DGKZ: variants seen among roughly 807,000 people sequenced by gnomAD.
DGKZ encodes the protein DAG kinase zeta.
DGKZ carries 45 observed loss-of-function variants against 142.5 expected under a neutral mutation model. That is an observed-to-expected ratio of 0.32 (90% CI 0.25 to 0.40). The LOEUF (loss-of-function observed/expected upper bound fraction) is 0.40, where lower values mean the gene tolerates loss of function less well. Among genes scored for constraint, DGKZ ranks in the 10% least tolerant of loss-of-function variants. The probability of loss-of-function intolerance (pLI) is 1.00; values close to 1 mark genes in which losing one functional copy is unlikely to be tolerated. For missense variants in DGKZ, 755 were observed against 1,306.5 expected (o/e 0.58, Z 6.51); for synonymous variants, 442 against 527.0 (o/e 0.84, Z 2.21).
At chr11:46,378,419 C>T (rs752140220) in intron 26 of DGKZ, 38 bp from the exon 27 acceptor site, 1 of 1,568,290 alleles carries the variant, frequency 6.4e-7, no homozygotes, top group South Asian at 1.2e-5. Flanking sequence ...CAAGCCCAGG[C>T]CTCCGACTGC....
At chr11:46,345,083 T>C (rs1342026924), upstream of DGKZ, among the ~76,000 whole-genome samples, 3 of 152,170 alleles carry the variant, frequency 2.0e-5, no homozygotes, top group African/African-American at 7.2e-5. The surrounding 1 kb of genome is among the most constrained non-coding windows in gnomAD (Gnocchi z 4.1). Context: ...ACCTGGTGGT[T>C]GTCATAAAGC....
intron 6 of DGKZ, among the ~76,000 whole-genome samples, chr11:46,370,604 A>G (rs1052007153): frequency 1.3e-5 from 2 of 152,080 alleles, no homozygotes; most frequent in Non-Finnish European, 2.9e-5. Context: ...TTAACAGCAC[A>G]TGGGGGTCTG....
Position 46,368,067 on chromosome 11 carries a change from G to A in DGKZ, c.432G>A (p.Glu144=), listed in dbSNP as rs1255988483. Residue 144 remains glutamate (E), a synonymous_variant, in exon 4 of 31, where the codon GAG becomes GAA. Coordinates refer to ENST00000527911, the Ensembl canonical transcript of DGKZ. ...TTGTGGTGCACACGCCCTGCATCGA[G>A]CAGCTGGAGAAGGTGGGTGGGTAGC... is the stretch of plus-strand genomic sequence containing the variant. The A allele has an allele frequency of 6.2e-6, 10 of 1,614,014 alleles. No homozygotes were observed. In the South Asian group the frequency reaches 7.7e-5, roughly 12 times the overall value.
chr11:46,376,686 C>G, intron 24 of DGKZ, 122 bp downstream of exon 24: 11 of 1,318,160 alleles, frequency 8.3e-6, no homozygotes, highest in Non-Finnish European at 1.2e-5. Flanking sequence ...CCTCTGAGAG[C>G]TTTTACTATT....
chr11:46,373,551 A>T (rs1170029716), intron 14 of DGKZ, among the ~76,000 whole-genome samples: 1 of 142,392 alleles, frequency 7.0e-6, no homozygotes, highest in Non-Finnish European at 1.5e-5. Flanking sequence ...AGGCTGGAGT[A>T]CAGTGGCACA....
At chr11:46,371,564 C>T (rs1345089624) in exon 8 of DGKZ, 1 of 1,610,946 alleles carries the variant, frequency 6.2e-7, no homozygotes, top group South Asian at 1.1e-5. Flanking sequence ...CAGCCGTGGT[C>T]ATCCCGCCCA....
chr11:46,366,095 GT>G, intron 1 of DGKZ: 1 of 1,385,876 alleles, frequency 7.2e-7, no homozygotes, highest in Non-Finnish European at 9.3e-7. Context: ...TCCCTCAGGG[GT>G]TGCTTCCCTT....
intron 1 of DGKZ, among the ~76,000 whole-genome samples, chr11:46,352,661 C>T (rs1941554101): frequency 1.3e-5 from 2 of 152,372 alleles, no homozygotes; most frequent in South Asian, 4.1e-4. Context: ...CCCTCTGCCT[C>T]CTCCTTGAAC....
chr11:46,367,501 G>A lies in DGKZ; in HGVS notation c.270+102G>A, dbSNP rs1943446495. 7 of 1,398,950 alleles carry A rather than the reference G, an allele frequency of 5.0e-6. No individual in the cohort carries two copies. In the East Asian group the frequency reaches 1.7e-4, roughly 34 times the overall value. The allele number at this position is 1,398,950 out of a possible 1,614,324, so 86.7% of individuals were successfully genotyped here. A position where few individuals can be genotyped will look rare whatever the true frequency, so the allele number is the denominator to read the frequency against. ...AAGGCAGCTGGGAGAGCCAAGCCTGGAAGGGTTGGGACAGTGGGGCAGACG... is the reference window on the plus strand; with the variant it reads ...AAGGCAGCTGGGAGAGCCAAGCCTGAAAGGGTTGGGACAGTGGGGCAGACG... On this transcript the variant is annotated intron_variant, in intron 2 of 30. Transcript: ENST00000527911. The surrounding 1 kb of genome is among the most constrained non-coding windows in gnomAD (Gnocchi z 4.1).
intron 29 of DGKZ, 62 bp from the exon 30 acceptor site, chr11:46,379,407 G>A: frequency 1.3e-6 from 2 of 1,586,772 alleles, no homozygotes; most frequent in Non-Finnish European, 1.7e-6. Flanking sequence ...GATGGCCCTT[G>A]GGAGACAGAT....
At chr11:46,346,233 TGCCAGAACCCAAGAGGGGAGG>T, upstream of DGKZ, among the ~76,000 whole-genome samples, 1 of 152,186 alleles carries the variant, frequency 6.6e-6, no homozygotes, top group Admixed American at 6.5e-5. Context: ...GAAAACGGGC[TGCCAGAACCCAAGAGGGGAGG>T]ATGAAAGCGA....
chr11:46,369,695 G>A, intron 5 of DGKZ, 145 bp downstream of exon 5: 2 of 1,131,598 alleles, frequency 1.8e-6, no homozygotes, highest in Non-Finnish European at 1.3e-6. Flanking sequence ...CCATGCGGAG[G>A]CCTAACTAGC....
chr11:46,372,061 A>G lies in DGKZ; in HGVS notation c.832-14A>G. 2 of 1,602,332 alleles carry G rather than the reference A, an allele frequency of 1.2e-6. No individual in the cohort carries two copies. The highest frequency in any genetic ancestry group is 1.7e-6 in the Non-Finnish European group (2 of 1,174,420). On this transcript the variant is annotated splice_polypyrimidine_tract_variant and intron_variant, in intron 9 of 30. Transcript: ENST00000527911. The surrounding 1 kb of genome is among the most constrained non-coding windows in gnomAD (Gnocchi z 5.9). ...GACGGGAAGGAGCTTACAGCCTCTC[A>G]CCTTGTCTCCCAGGAGGGCCGCTGG... is the stretch of plus-strand genomic sequence containing the variant.
At chr11:46,357,197 A>G (rs897977560) in intron 1 of DGKZ, among the ~76,000 whole-genome samples, 4 of 152,154 alleles carry the variant, frequency 2.6e-5, no homozygotes, top group Admixed American at 1.3e-4. Flanking sequence ...TATTTCACCA[A>G]GGAGCTCAGG....
chr11:46,379,849 C>A (rs574419605), exon 31 of DGKZ: 1 of 1,610,334 alleles, frequency 6.2e-7, no homozygotes, highest in Non-Finnish European at 8.5e-7. Flanking sequence ...TCCCCGGCAG[C>A]GGGCTGAGAA....
At chr11:46,333,298 G>T in exon 1 of DGKZ, 2 of 1,269,616 alleles carry the variant, frequency 1.6e-6, no homozygotes, top group East Asian at 3.2e-5. Context: ...CAGGGCGGCG[G>T]AGGGCAGCGC....
chr11:46,346,746 G>A (rs996683437), upstream of DGKZ, among the ~76,000 whole-genome samples: 10 of 152,134 alleles, frequency 6.6e-5, no homozygotes, highest in East Asian at 1.9e-4. Context: ...GGTGATTCCC[G>A]TAGCATATGA....
chr11:46,370,820 A>G lies in DGKZ; in HGVS notation c.571-493A>G, dbSNP rs945243772. Among the ~76,000 whole-genome samples the G allele has an allele frequency of 2.0e-5, 3 of 152,162 alleles. No individual in the cohort carries two copies. In the South Asian group the frequency reaches 6.2e-4, roughly 32 times the overall value. Reference sequence around the variant, plus strand: ...GTGTTCAGACTGGGTGTGGTGGCTCACGCCTGTAATCCCAGCACTTTGGGA... The same window carrying G: ...GTGTTCAGACTGGGTGTGGTGGCTCGCGCCTGTAATCCCAGCACTTTGGGA... On this transcript the variant is annotated intron_variant, in intron 6 of 30. Coordinates refer to ENST00000527911, the Ensembl canonical transcript of DGKZ.
rs772696759 is a variant in DGKZ, at chr11:46,372,521, G to C, written c.1010+11G>C. 19 of 1,614,046 alleles carry C rather than the reference G, an allele frequency of 1.2e-5. No homozygotes were observed. The highest frequency in any genetic ancestry group is 1.6e-4 in the Middle Eastern group (1 of 6,062). On this transcript the variant is annotated intron_variant, in intron 11 of 30. Transcript: ENST00000527911. This position sits in a 1 kb window ranked among gnomAD's most constrained non-coding sequence, Gnocchi z 5.9. ...AGGGCCCAAGGAGGCGTAAGTACTT[G>C]CCAAGGTTTTGTGGGGGACATGGGG...
Sources: gnomAD v4.1 joint callset for allele counts (sites outside exome capture counted in the v4.1 genomes callset) on GRCh38, gnomAD v4.1.1 for gene constraint, Gnocchi (gnomAD v3.1) non-coding constraint, MANE v1.5 for transcripts, NCBI Gene and HGNC (gene_info 2026-07-23, HGNC 2026-07-21) for gene names.